Variants in EMCN observed in about 807,000 individuals in gnomAD.
EMCN encodes endomucin.
Under a neutral mutation model 38.4 loss-of-function variants are expected in EMCN, and 37 were observed. The ratio of observed to expected loss-of-function variants is 0.96; its 90% CI spans 0.74 to 1.27. The LOEUF (loss-of-function observed/expected upper bound fraction) is 1.27. Among genes scored for constraint, EMCN ranks in the 50% most tolerant of loss-of-function variants. The pLI, the probability that EMCN is intolerant of heterozygous loss-of-function variation, is 0.00. For missense variants in EMCN, 318 were observed against 302.8 expected (o/e 1.05, Z -0.37); for synonymous variants, 95 against 100.8 (o/e 0.94, Z 0.35).
chr4:100,488,177 A>AGAC (rs1181602137), intron 1 of EMCN, among the ~76,000 whole-genome samples: 1 of 152,234 alleles, frequency 6.6e-6, no homozygotes, highest in Non-Finnish European at 1.5e-5. Flanking sequence ...CTCAACTGTG[A>AGAC]AACTGTATTA....
chr4:100,428,149 A>G (rs1048320783), intron 5 of EMCN, among the ~76,000 whole-genome samples: 3 of 152,092 alleles, frequency 2.0e-5, no homozygotes, highest in African/African-American at 7.2e-5. Context: ...CTTAGAGAAA[A>G]AGCCGAAGTC....
intron 1 of EMCN, among the ~76,000 whole-genome samples, chr4:100,481,392 T>C (rs1728801327): frequency 1.3e-5 from 2 of 152,138 alleles, no homozygotes; most frequent in South Asian, 2.1e-4. Flanking sequence ...TGTTAGTTCT[T>C]AGCACTGACT....
intron 1 of EMCN, among the ~76,000 whole-genome samples, chr4:100,489,790 G>T (rs571584317): frequency 6.6e-6 from 1 of 152,126 alleles, no homozygotes; most frequent in African/African-American, 2.4e-5. Flanking sequence ...CGGAAGACCA[G>T]CTTTTCATAT....
chr4:100,477,387 C>T (rs1407142856), intron 2 of EMCN, among the ~76,000 whole-genome samples: 3 of 152,162 alleles, frequency 2.0e-5, no homozygotes, highest in Non-Finnish European at 4.4e-5. Flanking sequence ...GTGCATTGCA[C>T]TTGATGTACA....
chr4:100,397,879 T>TA lies in EMCN; in HGVS notation c.*533dup. 6.6e-6 allele frequency: 1 copy of TA among 152,256 alleles called. No homozygotes were observed. The highest frequency in any genetic ancestry group is 1.9e-4 in the East Asian group (1 of 5,174). The allele number at this position is 152,256 out of a possible 1,614,324, so 9.4% of individuals were successfully genotyped here. A position where few individuals can be genotyped will look rare whatever the true frequency, so the allele number is the denominator to read the frequency against. On this transcript the variant is annotated 3_prime_UTR_variant, in exon 12 of 12. Transcript: ENST00000296420. ...ATTAAAAGTAACACGAAAGCAGGAA[T>TA]AAAATACTTATATGTACAAAGTAGC...
chr4:100,480,449 T>C (rs1728776627), intron 1 of EMCN, among the ~76,000 whole-genome samples: 1 of 151,926 alleles, frequency 6.6e-6, no homozygotes, highest in South Asian at 2.1e-4. Flanking sequence ...ATGTCAAAAT[T>C]AGTATATGTC....
intron 1 of EMCN, among the ~76,000 whole-genome samples, chr4:100,515,504 A>C (rs1729728491): frequency 6.6e-6 from 1 of 152,130 alleles, no homozygotes; most frequent in Non-Finnish European, 1.5e-5. Flanking sequence ...ACAGCATGAA[A>C]GACTGTATTG....
intron 9 of EMCN, among the ~76,000 whole-genome samples, chr4:100,416,173 T>C (rs1726727771): frequency 6.6e-6 from 1 of 152,044 alleles, no homozygotes; most frequent in African/African-American, 2.4e-5. Flanking sequence ...CAAATACACA[T>C]ATACTTTTTA....
At chr4:100,418,134 A>G (rs1726789571) in intron 8 of EMCN, among the ~76,000 whole-genome samples, 1 of 152,180 alleles carries the variant, frequency 6.6e-6, no homozygotes. Context: ...TATGCTGCTC[A>G]CCAATTAGAC....
intron 1 of EMCN, among the ~76,000 whole-genome samples, chr4:100,510,623 A>G (rs1412259544): frequency 1.3e-5 from 2 of 152,156 alleles, no homozygotes; most frequent in South Asian, 4.1e-4. Flanking sequence ...TTCTTCCAAT[A>G]TCCCTATGAG....
At chr4:100,420,256 A>G (rs777285803) in intron 8 of EMCN, among the ~76,000 whole-genome samples, 1 of 152,136 alleles carries the variant, frequency 6.6e-6, no homozygotes, top group Non-Finnish European at 1.5e-5. Flanking sequence ...GTACTATGGT[A>G]TGATAAATGA....
chr4:100,475,507 T>A (rs1290776468), intron 2 of EMCN, among the ~76,000 whole-genome samples: 1 of 151,820 alleles, frequency 6.6e-6, no homozygotes, highest in African/African-American at 2.4e-5. Context: ...CATGCCTTTT[T>A]TTTTTCTAGA....
chr4:100,468,517 ATAG>A (rs1728386644), intron 3 of EMCN, among the ~76,000 whole-genome samples: 1 of 152,166 alleles, frequency 6.6e-6, no homozygotes, highest in Non-Finnish European at 1.5e-5. Flanking sequence ...TCTGATGCCC[ATAG>A]GAAAAATGTC....
chr4:100,417,752 A>G (rs1726776337), intron 8 of EMCN, among the ~76,000 whole-genome samples: 1 of 152,170 alleles, frequency 6.6e-6, no homozygotes, highest in Non-Finnish European at 1.5e-5. Context: ...TGGGGTTTAG[A>G]GTGAGAACTC....
intron 4 of EMCN, among the ~76,000 whole-genome samples, chr4:100,457,158 T>C (rs1481936589): frequency 2.0e-5 from 3 of 150,816 alleles, no homozygotes; most frequent in Non-Finnish European, 4.4e-5. Flanking sequence ...ATTTAACTGT[T>C]GTATGTCTTT....
intron 5 of EMCN, among the ~76,000 whole-genome samples, chr4:100,426,374 C>T (rs1727045518): frequency 6.6e-6 from 1 of 152,090 alleles, no homozygotes; most frequent in Non-Finnish European, 1.5e-5. Flanking sequence ...GGAGGATTCC[C>T]TGATGGTCTT....
chr4:100,475,657 T>G (rs1728617470), intron 2 of EMCN, among the ~76,000 whole-genome samples: 3 of 116,274 alleles, frequency 2.6e-5, no homozygotes, highest in African/African-American at 3.3e-5. Context: ...CCAATTCTAG[T>G]CCTTTTTTTT....
chr4:100,459,886 C>T (rs1353979401), intron 4 of EMCN, among the ~76,000 whole-genome samples: 1 of 152,118 alleles, frequency 6.6e-6, no homozygotes, highest in African/African-American at 2.4e-5. Flanking sequence ...CTGTGATGAA[C>T]ATGAGAATTA....
At chr4:100,471,177 T>C (rs1172290555) in intron 3 of EMCN, among the ~76,000 whole-genome samples, 3 of 151,868 alleles carry the variant, frequency 2.0e-5, no homozygotes, top group Non-Finnish European at 2.9e-5. Flanking sequence ...TGAAAAGATA[T>C]ATAAAATTGA....
Sources: gnomAD v4.1 joint callset for allele counts (sites outside exome capture counted in the v4.1 genomes callset) on GRCh38, gnomAD v4.1.1 for gene constraint, MANE v1.5 for transcripts, NCBI Gene and HGNC (gene_info 2026-07-23, HGNC 2026-07-21) for gene names.